Variants in RBMS1 observed in about 807,000 individuals in gnomAD.
RBMS1 encodes the protein RNA-binding motif, single-stranded-interacting protein 1.
RBMS1 carries 17 observed loss-of-function variants against 62.3 expected under a neutral mutation model. That is an observed-to-expected ratio of 0.27 (90% CI 0.19 to 0.41). RBMS1 has a LOEUF of 0.41. Ranked by LOEUF, RBMS1 falls within the 10% of genes least tolerant of loss-of-function variation. The pLI is 1.00. For missense variants in RBMS1, 334 were observed against 504.5 expected, an observed-to-expected ratio of 0.66 and a Z score of 3.24; for synonymous variants, 172 against 170.0, an observed-to-expected ratio of 1.01 and a Z score of -0.09.
rs556155585 is a variant in RBMS1 at position 160,328,663 on chromosome 2, G to A, written c.252-10436C>T. Among the ~76,000 whole-genome samples, 677 of 152,002 alleles carry A rather than the reference G, an allele frequency of 4.5e-3. 2 individuals carry two copies. Among genetic ancestry groups the A allele is most frequent in the Non-Finnish European group, 6.9e-3 (471 of 67,932 alleles). Reference sequence around the variant, plus strand: ...AATTAAAAATTAGCACCCTCCCCCCGCCCCCAACACCACGGAAACAAAACT... The same window carrying A: ...AATTAAAAATTAGCACCCTCCCCCCACCCCCAACACCACGGAAACAAAACT... On this transcript the variant is annotated intron_variant, in intron 2 of 13. Transcript: ENST00000348849.
chr2:160,415,333 T>C (rs1696172489), intron 1 of RBMS1, among the ~76,000 whole-genome samples: 1 of 152,168 alleles, frequency 6.6e-6, no homozygotes, highest in South Asian at 2.1e-4. Flanking sequence ...TCCAAAGAGA[T>C]GGAAGTAACA....
chr2:160,357,360 T>C (rs1400755941), intron 2 of RBMS1, among the ~76,000 whole-genome samples: 4 of 152,080 alleles, frequency 2.6e-5, no homozygotes, highest in African/African-American at 7.2e-5. Flanking sequence ...CTCTTTATCA[T>C]GCCTAGGAGT....
At chr2:160,404,291 G>T (rs561393119) in intron 1 of RBMS1, among the ~76,000 whole-genome samples, 1 of 152,264 alleles carries the variant, frequency 6.6e-6, no homozygotes, top group African/African-American at 2.4e-5. Flanking sequence ...TGATGCCAGA[G>T]ATCAGTACTC....
intron 1 of RBMS1, among the ~76,000 whole-genome samples, chr2:160,458,123 C>T (rs549187379): frequency 2.5e-4 from 38 of 151,992 alleles, no homozygotes; most frequent in Admixed American, 2.4e-3. Context: ...GCCAGCACAC[C>T]CAGCTAATAT....
chr2:160,481,680 T>TA (rs1685378734), intron 1 of RBMS1, among the ~76,000 whole-genome samples: 1 of 152,144 alleles, frequency 6.6e-6, no homozygotes, highest in Non-Finnish European at 1.5e-5. Flanking sequence ...TTGTTATTTT[T>TA]AAAAAATGAT....
intron 1 of RBMS1, among the ~76,000 whole-genome samples, chr2:160,395,478 G>A (rs1350854916): frequency 1.3e-5 from 2 of 152,084 alleles, no homozygotes; most frequent in Non-Finnish European, 2.9e-5. Context: ...CAAAAAATTA[G>A]CCGGGCGTGG....
intron 2 of RBMS1, among the ~76,000 whole-genome samples, chr2:160,345,783 A>G (rs896333682): frequency 1.3e-5 from 2 of 152,156 alleles, no homozygotes; most frequent in African/African-American, 2.4e-5. Flanking sequence ...CTGTTTTCTA[A>G]CTGTTAAATA....
intron 2 of RBMS1, among the ~76,000 whole-genome samples, chr2:160,321,799 GAT>G (rs771658921): frequency 4.6e-5 from 7 of 152,226 alleles, no homozygotes; most frequent in Non-Finnish European, 8.8e-5. Flanking sequence ...TTTTGTCTTT[GAT>G]ATGTTTCCAA....
intron 1 of RBMS1, among the ~76,000 whole-genome samples, chr2:160,481,287 C>T (rs960396154): frequency 1.4e-5 from 2 of 145,422 alleles, no homozygotes; most frequent in Non-Finnish European, 3.0e-5. Context: ...CCACACCAAA[C>T]ACAAACATTA....
At chr2:160,457,424 G>C (rs749476182) in intron 1 of RBMS1, among the ~76,000 whole-genome samples, 1 of 152,102 alleles carries the variant, frequency 6.6e-6, no homozygotes, top group African/African-American at 2.4e-5. Context: ...GCCACCGCGC[G>C]GTATCCTCAT....
chr2:160,479,143 C>A (rs1040817660), intron 1 of RBMS1, among the ~76,000 whole-genome samples: 6 of 152,214 alleles, frequency 3.9e-5, no homozygotes, highest in Non-Finnish European at 7.3e-5. Context: ...TCCAGCCGAT[C>A]TGGGAAAATT....
At chr2:160,330,101 T>C (rs1691172896) in intron 2 of RBMS1, among the ~76,000 whole-genome samples, 1 of 152,110 alleles carries the variant, frequency 6.6e-6, no homozygotes, top group Admixed American at 6.6e-5. Flanking sequence ...TATTTCTACT[T>C]TGGGGAGTGG....
intron 1 of RBMS1, among the ~76,000 whole-genome samples, chr2:160,385,900 C>CT (rs1694545287): frequency 6.6e-6 from 1 of 152,176 alleles, no homozygotes; most frequent in African/African-American, 2.4e-5. Context: ...GAAACGTCCA[C>CT]TGAAAGGCTG....
intron 1 of RBMS1, among the ~76,000 whole-genome samples, chr2:160,476,554 T>C (rs951455199): frequency 1.4e-5 from 2 of 140,460 alleles, no homozygotes; most frequent in Non-Finnish European, 3.2e-5. Flanking sequence ...CACACTTCTT[T>C]TTTTTTTTTT....
At chr2:160,430,286 G>T (rs1262843067) in intron 1 of RBMS1, among the ~76,000 whole-genome samples, 4 of 152,130 alleles carry the variant, frequency 2.6e-5, no homozygotes, top group African/African-American at 9.7e-5. Context: ...TTAAGTTGGA[G>T]GTAATTTGTT....
At chr2:160,449,948 C>T (rs1683893285) in intron 1 of RBMS1, among the ~76,000 whole-genome samples, 1 of 152,118 alleles carries the variant, frequency 6.6e-6, no homozygotes, top group South Asian at 2.1e-4. Context: ...CATCTCCAAC[C>T]TGATGAGGCC....
intron 1 of RBMS1, among the ~76,000 whole-genome samples, chr2:160,407,201 C>T (rs922452443): frequency 2.8e-4 from 43 of 152,294 alleles, no homozygotes; most frequent in African/African-American, 4.3e-4. Context: ...AAGCCCCCGG[C>T]CCGGCGCGCT....
intron 1 of RBMS1, among the ~76,000 whole-genome samples, chr2:160,463,601 A>G (rs1241372155): frequency 6.6e-6 from 1 of 152,234 alleles, no homozygotes; most frequent in Non-Finnish European, 1.5e-5. Flanking sequence ...CCTGGCTAAC[A>G]TGGTGAAACC....
intron 2 of RBMS1, among the ~76,000 whole-genome samples, chr2:160,322,091 G>C (rs1000660987): frequency 2.6e-5 from 4 of 152,292 alleles, no homozygotes; most frequent in Admixed American, 1.3e-4. Flanking sequence ...TTATGTCCTA[G>C]ACACTGTGCC....
Sources: gnomAD v4.1 joint callset for allele counts (sites outside exome capture counted in the v4.1 genomes callset) on GRCh38, gnomAD v4.1.1 for gene constraint, MANE v1.5 for transcripts, NCBI Gene and HGNC (gene_info 2026-07-23, HGNC 2026-07-21) for gene names.